The following KTN1 variants were observed in gnomAD, a reference collection of about 807,000 sequenced individuals.
The protein encoded by KTN1 is kinectin 1, also known as kinectin.
In KTN1, 130 loss-of-function variants were observed where a neutral mutation model predicts 222.5. The observed-to-expected ratio is 0.58, with a 90% CI of 0.51 to 0.68. The LOEUF is 0.68. Among genes scored for constraint, KTN1 ranks in the 30% least tolerant of loss-of-function variants. The probability of loss-of-function intolerance (pLI) is 0.00; values close to 1 mark genes in which losing one functional copy is unlikely to be tolerated. For missense variants in KTN1, 1,508 were observed against 1,500.4 expected (o/e 1.01, Z -0.08); for synonymous variants, 512 against 496.3 (o/e 1.03, Z -0.42).
At chr14:55,609,914 C>G (rs1004329524) in intron 1 of KTN1, among the ~76,000 whole-genome samples, 3 of 152,110 alleles carry the variant, frequency 2.0e-5, no homozygotes, top group African/African-American at 4.8e-5. Flanking sequence ...TTAAAGCATT[C>G]CTGGTTGACG....
chr14:55,597,670 A>G (rs921460870), intron 1 of KTN1, among the ~76,000 whole-genome samples: 2 of 152,052 alleles, frequency 1.3e-5, no homozygotes, highest in South Asian at 2.1e-4. Context: ...CCTGGCCGAC[A>G]TGGTGAAACC....
chr14:55,645,775 T>C (rs938456297), intron 18 of KTN1, among the ~76,000 whole-genome samples: 2 of 152,198 alleles, frequency 1.3e-5, no homozygotes, highest in Admixed American at 1.3e-4. Context: ...TAGGGTATTA[T>C]GATATTTGAG....
chr14:55,589,445 G>A (rs2033677600), intron 1 of KTN1, among the ~76,000 whole-genome samples: 1 of 151,614 alleles, frequency 6.6e-6, no homozygotes, highest in Non-Finnish European at 1.5e-5. Flanking sequence ...GAGTAGCTGG[G>A]ATTACAGGCA....
At chr14:55,610,961 C>CAA (rs1054711199) in intron 1 of KTN1, among the ~76,000 whole-genome samples, 11 of 152,240 alleles carry the variant, frequency 7.2e-5, no homozygotes, top group African/African-American at 2.7e-4. Flanking sequence ...GTTGATGAGG[C>CAA]AAAGCCTTTT....
At position 55,670,764 on chromosome 14, in the gene KTN1, G is replaced by C; in HGVS notation, c.3303G>C (p.Lys1101Asn). 1 of 1,609,832 alleles carries C rather than the reference G, an allele frequency of 6.2e-7. No homozygotes were observed. The highest frequency in any genetic ancestry group is 1.3e-5 in the African/African-American group (1 of 74,786). ...AATGGTTGCATGGATTTGAAAAAAAGGCAAAAGAATGTATGGCTGGAACTT... is the reference window on the plus strand; with the variant it reads ...AATGGTTGCATGGATTTGAAAAAAACGCAAAAGAATGTATGGCTGGAACTT... Reference protein sequence around the residue: ...YGEWLHGFEKKAKECMAGTSG... With the variant: ...YGEWLHGFEKNAKECMAGTSG... Residue 1101 changes from lysine (K) to asparagine (N), a missense_variant, in exon 35 of 44, where the codon AAG becomes AAC. Coordinates refer to ENST00000395314, the MANE Select transcript of KTN1 (RefSeq NM_001079521.2).
intron 33 of KTN1, among the ~76,000 whole-genome samples, chr14:55,664,862 AAAAG>A (rs2044533400): frequency 6.6e-6 from 1 of 152,148 alleles, no homozygotes; most frequent in African/African-American, 2.4e-5. Flanking sequence ...GCAGACAGGT[AAAAG>A]AAAGAACCTA....
intron 1 of KTN1, among the ~76,000 whole-genome samples, chr14:55,597,333 A>G (rs2035221329): frequency 6.6e-6 from 1 of 152,220 alleles, no homozygotes; most frequent in Non-Finnish European, 1.5e-5. Context: ...AGAGAATGAT[A>G]AACACATAAG....
At chr14:55,605,226 A>G (rs959285027) in intron 1 of KTN1, among the ~76,000 whole-genome samples, 4 of 152,196 alleles carry the variant, frequency 2.6e-5, no homozygotes, top group Non-Finnish European at 5.9e-5. Flanking sequence ...ACTGAAAGTC[A>G]TTTTAATTGG....
chr14:55,616,696 A>C, intron 3 of KTN1, 42 bp downstream of exon 3: 1 of 1,516,778 alleles, frequency 6.6e-7, no homozygotes, highest in Non-Finnish European at 8.9e-7. Context: ...CTAATTCTAG[A>C]GAAGTACACC....
chr14:55,611,871 G>C, intron 1 of KTN1, 148 bp from the exon 2 acceptor site: 1 of 368,784 alleles, frequency 2.7e-6, no homozygotes, highest in Non-Finnish European at 4.8e-6. Flanking sequence ...AATAAATCAA[G>C]AATGTGATTT....
At chr14:55,652,416 T>TTG (rs2043010694) in intron 25 of KTN1, among the ~76,000 whole-genome samples, 1 of 144,678 alleles carries the variant, frequency 6.9e-6, no homozygotes, top group Non-Finnish European at 1.5e-5. Context: ...TTTTTTTTTT[T>TTG]GAGATGGAAT....
intron 21 of KTN1, 141 bp downstream of exon 21, chr14:55,649,011 G>C: frequency 1.6e-6 from 1 of 620,062 alleles, no homozygotes; most frequent in Non-Finnish European, 2.9e-6. Context: ...CCGTAACCTC[G>C]AACTCCTGGG....
intron 1 of KTN1, among the ~76,000 whole-genome samples, chr14:55,606,934 C>G (rs903363110): frequency 6.6e-6 from 1 of 152,110 alleles, no homozygotes; most frequent in Non-Finnish European, 1.5e-5. Flanking sequence ...GCATTACAAT[C>G]TTAATTATTT....
At chr14:55,598,158 G>T (rs1183356595) in intron 1 of KTN1, among the ~76,000 whole-genome samples, 1 of 152,034 alleles carries the variant, frequency 6.6e-6, no homozygotes, top group Non-Finnish European at 1.5e-5. Flanking sequence ...TTTCTCGGCA[G>T]GGCGCGGTGG....
chr14:55,602,719 C>G (rs1566684272), intron 1 of KTN1, among the ~76,000 whole-genome samples: 1 of 151,870 alleles, frequency 6.6e-6, no homozygotes, highest in South Asian at 2.1e-4. Flanking sequence ...GCAGCTGGGA[C>G]TACAGGTGCA....
chr14:55,673,185 T>G lies in KTN1; in HGVS notation c.3701T>G (p.Leu1234Trp). 1 of 1,612,688 alleles carries G rather than the reference T, an allele frequency of 6.2e-7. No individual in the cohort carries two copies. Among genetic ancestry groups the G allele is most frequent in the Non-Finnish European group, 8.5e-7 (1 of 1,178,998 alleles). Residue 1234 changes from leucine (L) to tryptophan (W), a missense_variant, in exon 40 of 44, where the codon TTG (leucine) becomes TGG (tryptophan). Leu to Trp is a moderately conservative substitution (Grantham distance 61, BLOSUM62 -2). Coordinates refer to ENST00000395314, the MANE Select transcript of KTN1 (RefSeq NM_001079521.2). ...ACTTCATTGCAGCTGAAAGATCTGT[T>G]GACTGAATTGCAGAAAAAACTTGAT... ...VTEVRELKDL[L>W]TELQKKLDDS...
chr14:55,636,565 T>A, intron 10 of KTN1, 29 bp downstream of exon 10: 1 of 1,536,328 alleles, frequency 6.5e-7, no homozygotes, highest in Middle Eastern at 1.7e-4. Context: ...CATGTAAACT[T>A]TGTATATAAT....
At chr14:55,635,548 A>C (rs375272885) in intron 9 of KTN1, among the ~76,000 whole-genome samples, 10 of 152,180 alleles carry the variant, frequency 6.6e-5, no homozygotes, top group African/African-American at 1.9e-4. Flanking sequence ...CCAGAGTGTC[A>C]CTTGGTCCAG....
intron 9 of KTN1, among the ~76,000 whole-genome samples, chr14:55,635,480 C>T (rs2041015808): frequency 6.6e-6 from 1 of 152,270 alleles, no homozygotes; most frequent in East Asian, 1.9e-4. Context: ...AAGTAGTGTT[C>T]CAGTGGCTTG....
Sources: allele counts gnomAD v4.1 joint callset (sites outside exome capture counted in the v4.1 genomes callset), GRCh38; gene constraint gnomAD v4.1.1; transcripts MANE v1.5; gene names NCBI Gene and HGNC (gene_info 2026-07-23, HGNC 2026-07-21).